Variants in MTUS2 observed in about 807,000 individuals in gnomAD.
MTUS2 encodes the protein microtubule associated scaffold protein 2.
In MTUS2, 40 loss-of-function variants were observed where a neutral mutation model predicts 114.1. The ratio of observed to expected loss-of-function variants is 0.35; its 90% CI spans 0.27 to 0.46. The LOEUF (loss-of-function observed/expected upper bound fraction) is 0.46, where lower values mean the gene tolerates loss of function less well. Ranked by LOEUF, MTUS2 falls within the 20% of genes least tolerant of loss-of-function variation. MTUS2 has a pLI of 1.00. For synonymous variants in MTUS2, 688 were observed against 672.0 expected (o/e 1.02, Z -0.37); for missense variants, 1,679 against 1,705.4 (o/e 0.98, Z 0.27).
At chr13:28,880,653 C>T (rs1434828926) in intron 2 of MTUS2, among the ~76,000 whole-genome samples, 1 of 152,236 alleles carries the variant, frequency 6.6e-6, no homozygotes, top group Non-Finnish European at 1.5e-5. Context: ...ACTAGTCACA[C>T]TACTCAGCTG....
intron 14 of MTUS2, 134 bp from the exon 15 acceptor site, chr13:29,500,963 C>T: frequency 3.2e-6 from 2 of 620,462 alleles, no homozygotes; most frequent in Non-Finnish European, 5.7e-6. Context: ...ATTTTAAAAC[C>T]CACTAAAGCA....
At chr13:29,023,231 A>G (rs550715315) in intron 2 of MTUS2, among the ~76,000 whole-genome samples, 3 of 152,318 alleles carry the variant, frequency 2.0e-5, no homozygotes, top group South Asian at 4.1e-4. Flanking sequence ...AATGAGGCCA[A>G]TGTGGCTGCA....
intron 5 of MTUS2, among the ~76,000 whole-genome samples, chr13:29,228,636 A>G (rs1376133787): frequency 6.6e-6 from 1 of 152,058 alleles, no homozygotes; most frequent in Non-Finnish European, 1.5e-5. Flanking sequence ...GTGTACATAT[A>G]TGCTTTGTAA....
At chr13:29,437,069 T>C (rs762715769) in intron 8 of MTUS2, among the ~76,000 whole-genome samples, 1 of 152,012 alleles carries the variant, frequency 6.6e-6, no homozygotes, top group Non-Finnish European at 1.5e-5. Context: ...TGGCTGGGAG[T>C]GTGGACTGAT....
chr13:29,334,971 C>G (rs1326185892), intron 7 of MTUS2, among the ~76,000 whole-genome samples: 1 of 152,146 alleles, frequency 6.6e-6, no homozygotes, highest in Non-Finnish European at 1.5e-5. Flanking sequence ...ACTGCACAAA[C>G]TGTAGAGCAT....
chr13:28,829,963 A>G lies in MTUS2; in HGVS notation c.-316+9352A>G, dbSNP rs115881690. Among the ~76,000 whole-genome samples the G allele has an allele frequency of 3.6e-3, 544 of 152,260 alleles. 2 individuals are homozygous for G. The highest frequency in any genetic ancestry group is 0.012 in the African/African-American group (519 of 41,540). On this transcript the variant is annotated intron_variant, in intron 1 of 15. Coordinates refer to ENST00000612955, the MANE Select transcript of MTUS2 (RefSeq NM_001033602.4). ...TGCATAAGTAAAGTAGGAAGAGAAG[A>G]CTAAGAGTTGTAAACTACCTGCTGG...
chr13:29,471,258 G>A (rs1211862047), intron 9 of MTUS2, among the ~76,000 whole-genome samples: 2 of 152,012 alleles, frequency 1.3e-5, no homozygotes, highest in African/African-American at 2.4e-5. Flanking sequence ...CAGGAGAATC[G>A]CTTGAACCCA....
chr13:29,055,877 G>A (rs1888111579), intron 4 of MTUS2, among the ~76,000 whole-genome samples: 1 of 151,494 alleles, frequency 6.6e-6, no homozygotes, highest in Non-Finnish European at 1.5e-5. Context: ...ATCTGTTAAT[G>A]TCTTTTGCCC....
intron 1 of MTUS2, among the ~76,000 whole-genome samples, chr13:28,828,901 GT>G (rs1874461242): frequency 6.6e-6 from 1 of 152,060 alleles, no homozygotes; most frequent in Non-Finnish European, 1.5e-5. Flanking sequence ...TATCTATAAA[GT>G]TTTAATATTT....
chr13:28,956,457 A>G (rs1444140574), intron 2 of MTUS2, among the ~76,000 whole-genome samples: 4 of 152,124 alleles, frequency 2.6e-5, no homozygotes, highest in African/African-American at 9.7e-5. Flanking sequence ...CCACCTTTGT[A>G]TGAAACATCC....
At chr13:29,362,289 A>G (rs979845661) in intron 8 of MTUS2, among the ~76,000 whole-genome samples, 5 of 152,180 alleles carry the variant, frequency 3.3e-5, no homozygotes, top group Admixed American at 1.3e-4. Flanking sequence ...CCAGCTGGCA[A>G]AGGCACTTTT....
intron 5 of MTUS2, among the ~76,000 whole-genome samples, chr13:29,141,149 C>T (rs1892204260): frequency 6.6e-6 from 1 of 152,150 alleles, no homozygotes; most frequent in Non-Finnish European, 1.5e-5. Flanking sequence ...TTTTCCCAGT[C>T]CACAAATGTT....
intron 7 of MTUS2, among the ~76,000 whole-genome samples, chr13:29,340,767 C>T (rs1475159871): frequency 6.6e-6 from 1 of 152,184 alleles, no homozygotes; most frequent in African/African-American, 2.4e-5. Context: ...GTGTACGTTG[C>T]ATGCAATGTG....
At chr13:29,057,309 C>G (rs1046012477) in intron 4 of MTUS2, among the ~76,000 whole-genome samples, 1 of 151,984 alleles carries the variant, frequency 6.6e-6, no homozygotes, top group Non-Finnish European at 1.5e-5. Flanking sequence ...ATATGTTAGG[C>G]CCATTCAGTC....
chr13:29,214,854 C>A (rs1030491368), intron 5 of MTUS2, among the ~76,000 whole-genome samples: 1 of 152,060 alleles, frequency 6.6e-6, no homozygotes, highest in African/African-American at 2.4e-5. Context: ...TTGCTCTTCT[C>A]GAGGAGTATC....
chr13:29,176,218 T>C (rs1893766203), intron 5 of MTUS2, among the ~76,000 whole-genome samples: 1 of 152,228 alleles, frequency 6.6e-6, no homozygotes, highest in South Asian at 2.1e-4. Context: ...ACTGTACTGC[T>C]CTTTTTTCTC....
intron 5 of MTUS2, among the ~76,000 whole-genome samples, chr13:29,116,357 C>T (rs1402389231): frequency 6.6e-6 from 1 of 152,174 alleles, no homozygotes; most frequent in Non-Finnish European, 1.5e-5. Context: ...AGAACTTTTT[C>T]TCACTATAGC....
intron 9 of MTUS2, among the ~76,000 whole-genome samples, chr13:29,450,030 G>GC (rs1490578143): frequency 1.3e-5 from 2 of 152,264 alleles, no homozygotes; most frequent in African/African-American, 2.4e-5. Context: ...GGACCATGAT[G>GC]CCCCCCGACC....
At chr13:28,921,493 G>A (rs965708775) in intron 2 of MTUS2, among the ~76,000 whole-genome samples, 2 of 152,180 alleles carry the variant, frequency 1.3e-5, no homozygotes, top group Non-Finnish European at 2.9e-5. Flanking sequence ...GCCTGGAGTT[G>A]AGGGAGGGGT....
Sources: gnomAD v4.1 joint callset for allele counts (sites outside exome capture counted in the v4.1 genomes callset) on GRCh38, gnomAD v4.1.1 for gene constraint, MANE v1.5 for transcripts, NCBI Gene and HGNC (gene_info 2026-07-23, HGNC 2026-07-21) for gene names.